Variants in KIF1B observed in about 807,000 individuals in gnomAD.
KIF1B encodes kinesin family member 1B.
Under a neutral mutation model 241.9 loss-of-function variants are expected in KIF1B, and 76 were observed. The observed-to-expected ratio is 0.31, with a 90% CI of 0.26 to 0.38. The LOEUF (loss-of-function observed/expected upper bound fraction) is 0.38, where lower values mean the gene tolerates loss of function less well. Ranked by LOEUF, KIF1B falls within the 10% of genes least tolerant of loss-of-function variation. KIF1B has a pLI of 1.00. For synonymous variants in KIF1B, 750 were observed against 796.7 expected (o/e 0.94, Z 0.99); for missense variants, 1,622 against 2,271.4 (o/e 0.71, Z 5.81).
rs763460099 is a variant in KIF1B at position 10,343,248 on chromosome 1, C to G, written c.3649C>G (p.Arg1217Gly). The part of the protein sequence containing the change: ...QELNSPPQPC[R>G]RFFPPPMPLS... ...TCTTTGCAGTCCGCCTCAGCCGTGC[C>G]GCCGATTCTTCCCTCCACCCATGCC... The change falls in exon 34 of 49, where the codon CGC becomes GGC. Residue 1217 changes from arginine (R) to glycine (G), a missense_variant. This residue lies in a region of KIF1B where 803 missense variants were observed against 1,112.0 expected (regional missense o/e 0.72). Coordinates refer to ENST00000676179, the MANE Select transcript of KIF1B (RefSeq NM_001365951.3). The G allele has an allele frequency of 6.2e-7, 1 of 1,614,156 alleles. No homozygotes were observed. Among genetic ancestry groups the G allele is most frequent in the Non-Finnish European group, 8.5e-7 (1 of 1,180,022 alleles).
Position 10,378,628 on chromosome 1 carries a change from A to G in KIF1B, c.*2041A>G. On this transcript the variant is annotated 3_prime_UTR_variant, in exon 49 of 49. Transcript: ENST00000676179. ...AGGCAGCTGGATGACTTCCCGCTTC[A>G]CGCAGCAAAGGCCAGGGGCTTGCGC... 1.7e-6 allele frequency: 1 copy of G among 584,716 alleles called. No individual in the cohort carries two copies. The highest frequency in any genetic ancestry group is 3.1e-6 in the Non-Finnish European group (1 of 327,482). 36.2% of individuals were successfully genotyped at this position (584,716 alleles called of 1,614,324 possible).
intron 4 of KIF1B, among the ~76,000 whole-genome samples, chr1:10,259,097 T>C (rs944504188): frequency 2.0e-5 from 3 of 152,152 alleles, no homozygotes; most frequent in African/African-American, 7.2e-5. Context: ...ACTTTCATTT[T>C]ATTTTCCTAA....
intron 22 of KIF1B, among the ~76,000 whole-genome samples, chr1:10,302,848 T>C (rs1650609497): frequency 6.6e-6 from 1 of 152,210 alleles, no homozygotes; most frequent in Non-Finnish European, 1.5e-5. Flanking sequence ...GGTGACATAC[T>C]CATCCCTGTT....
chr1:10,229,491 G>C (rs547841721), intron 1 of KIF1B, among the ~76,000 whole-genome samples: 1 of 152,132 alleles, frequency 6.6e-6, no homozygotes, highest in Non-Finnish European at 1.5e-5. Flanking sequence ...GAGACAGACA[G>C]TGTGAGAGAT....
chr1:10,277,974 T>C lies in KIF1B; in HGVS notation c.1038-12T>C. The C allele has an allele frequency of 6.2e-7, 1 of 1,613,066 alleles. No homozygotes were observed. The highest frequency in any genetic ancestry group is 8.5e-7 in the Non-Finnish European group (1 of 1,179,328). On this transcript the variant is annotated splice_polypyrimidine_tract_variant and intron_variant, in intron 12 of 48. Transcript: ENST00000676179. ...GAGAAATGACAAGAACAAATTTTCTTTTTGGATCTAGATATGCAGATCGTG... is the reference window on the plus strand; with the variant it reads ...GAGAAATGACAAGAACAAATTTTCTCTTTGGATCTAGATATGCAGATCGTG...
chr1:10,376,492 G>C, intron 48 of KIF1B, 53 bp from the exon 49 acceptor site: 2 of 1,567,254 alleles, frequency 1.3e-6, no homozygotes, highest in Non-Finnish European at 1.8e-6. Context: ...ACTGTGAGGG[G>C]ACAAGACTTG....
intron 17 of KIF1B, among the ~76,000 whole-genome samples, chr1:10,294,770 A>C (rs539888456): frequency 1.3e-5 from 2 of 152,226 alleles, no homozygotes; most frequent in Non-Finnish European, 2.9e-5. Context: ...TGAGAGGCTG[A>C]GGCAGGAGAA....
intron 22 of KIF1B, among the ~76,000 whole-genome samples, chr1:10,318,249 T>C (rs1312535092): frequency 6.6e-6 from 1 of 151,534 alleles, no homozygotes; most frequent in Non-Finnish European, 1.5e-5. Flanking sequence ...TTTGCATCCT[T>C]CTGAGCATTG....
At chr1:10,279,614 A>T (rs182359811) in intron 14 of KIF1B, among the ~76,000 whole-genome samples, 87 of 152,068 alleles carry the variant, frequency 5.7e-4, no homozygotes, top group South Asian at 2.5e-3. Flanking sequence ...TGTTGGGCTA[A>T]GACTCATGAG....
At chr1:10,242,894 G>A (rs964183163) in intron 2 of KIF1B, among the ~76,000 whole-genome samples, 3 of 152,182 alleles carry the variant, frequency 2.0e-5, no homozygotes, top group South Asian at 2.1e-4. Flanking sequence ...TTGTTATGTG[G>A]TGCATGACTT....
chr1:10,222,922 A>T (rs1288405168), intron 1 of KIF1B, among the ~76,000 whole-genome samples: 1 of 152,172 alleles, frequency 6.6e-6, no homozygotes, highest in African/African-American at 2.4e-5. Flanking sequence ...TTTTTTTGCT[A>T]ATTATTAAGA....
At chr1:10,289,201 A>C (rs1054209668) in intron 15 of KIF1B, among the ~76,000 whole-genome samples, 1 of 151,650 alleles carries the variant, frequency 6.6e-6, no homozygotes. Flanking sequence ...CCTAATTGCT[A>C]CTTGTCCTTC....
chr1:10,363,051 GAC>G (rs1397818856), intron 40 of KIF1B, among the ~76,000 whole-genome samples: 1 of 152,138 alleles, frequency 6.6e-6, no homozygotes, highest in Non-Finnish European at 1.5e-5. Flanking sequence ...CAGCCTGGGT[GAC>G]ACAGGGAAAC....
intron 10 of KIF1B, 103 bp from the exon 11 acceptor site, chr1:10,275,325 G>A (rs1405020568): frequency 2.7e-6 from 2 of 727,876 alleles, no homozygotes; most frequent in Middle Eastern, 2.3e-4. Flanking sequence ...TGTCGGGGTT[G>A]TACTGTAATT....
At chr1:10,215,138 T>TTATATATATATATATATATA (rs1162229178) in intron 1 of KIF1B, among the ~76,000 whole-genome samples, 1 of 59,562 alleles carries the variant, frequency 1.7e-5, no homozygotes, top group African/African-American at 8.0e-5. Context: ...TTTATATATT[T>TTATATATATATATATATATA]TATATATATA....
At chr1:10,238,135 C>CT (rs900348995) in intron 2 of KIF1B, among the ~76,000 whole-genome samples, 1 of 151,964 alleles carries the variant, frequency 6.6e-6, no homozygotes, top group Non-Finnish European at 1.5e-5. Context: ...AATCCTAGCA[C>CT]TTTGGGAGGC....
chr1:10,375,630 C>T (rs572591457), intron 48 of KIF1B, among the ~76,000 whole-genome samples: 1 of 152,114 alleles, frequency 6.6e-6, no homozygotes, highest in Admixed American at 6.5e-5. Context: ...AGTAATCCAC[C>T]CACCTCAGCC....
chr1:10,261,052 C>A (rs1383546298), intron 4 of KIF1B, among the ~76,000 whole-genome samples: 1 of 151,790 alleles, frequency 6.6e-6, no homozygotes, highest in Admixed American at 6.6e-5. Flanking sequence ...CTGCAACCTC[C>A]GCCTCCTGGG....
intron 41 of KIF1B, 27 bp downstream of exon 41, chr1:10,363,371 ATAG>A: frequency 6.4e-7 from 1 of 1,569,476 alleles, no homozygotes; most frequent in Non-Finnish European, 8.8e-7. Context: ...TGAGGAGGTG[ATAG>A]TTATCTTTGT....
Sources: allele counts gnomAD v4.1 joint callset (sites outside exome capture counted in the v4.1 genomes callset), GRCh38; gene constraint gnomAD v4.1.1; regional missense constraint gnomAD v4.1.1; transcripts MANE v1.5; gene names NCBI Gene and HGNC (gene_info 2026-07-23, HGNC 2026-07-21).